LRRC4C: variants seen among roughly 807,000 people sequenced by gnomAD.
LRRC4C encodes the protein leucine-rich repeat-containing protein 4C.
Under a neutral mutation model 33.6 loss-of-function variants are expected in LRRC4C, and 5 were observed. That is an observed-to-expected ratio of 0.15 (90% CI 0.08 to 0.31). LRRC4C has a LOEUF of 0.31. Among genes scored for constraint, LRRC4C ranks in the 10% least tolerant of loss-of-function variants. The pLI, the probability that LRRC4C is intolerant of heterozygous loss-of-function variation, is 1.00. For missense variants in LRRC4C, 560 were observed against 796.7 expected, an observed-to-expected ratio of 0.70 and a Z score of 3.58; for synonymous variants, 329 against 302.0, an observed-to-expected ratio of 1.09 and a Z score of -0.93.
chr11:40,355,462 C>T (rs571948030), intron 3 of LRRC4C, among the ~76,000 whole-genome samples: 1 of 152,276 alleles, frequency 6.6e-6, no homozygotes, highest in African/African-American at 2.4e-5. Context: ...AGTGCTTTAA[C>T]CTATGGTGGT....
intron 3 of LRRC4C, among the ~76,000 whole-genome samples, chr11:40,563,145 A>T (rs1370520922): frequency 6.6e-6 from 1 of 152,142 alleles, no homozygotes; most frequent in Non-Finnish European, 1.5e-5. Flanking sequence ...GAAAGTATGT[A>T]ATGAGATAAG....
At chr11:41,161,111 T>A (rs1354216078) in intron 1 of LRRC4C, among the ~76,000 whole-genome samples, 2 of 152,130 alleles carry the variant, frequency 1.3e-5, no homozygotes, top group African/African-American at 4.8e-5. Flanking sequence ...GAAAAACAAA[T>A]GCCCATGATA....
intron 1 of LRRC4C, among the ~76,000 whole-genome samples, chr11:41,197,359 C>T (rs994597729): frequency 1.3e-5 from 2 of 151,958 alleles, no homozygotes; most frequent in East Asian, 1.9e-4. Context: ...GGAAGACAGG[C>T]TTATCATTTT....
chr11:41,167,676 A>C (rs1278989166), intron 1 of LRRC4C, among the ~76,000 whole-genome samples: 3 of 152,210 alleles, frequency 2.0e-5, no homozygotes, highest in African/African-American at 7.2e-5. Flanking sequence ...GCCCAAATAC[A>C]GAAAAGTGTC....
At chr11:40,375,835 T>A (rs1948638640) in intron 3 of LRRC4C, among the ~76,000 whole-genome samples, 1 of 152,112 alleles carries the variant, frequency 6.6e-6, no homozygotes, top group Non-Finnish European at 1.5e-5. Context: ...TCTCTACAAC[T>A]AGGAAACCTG....
intron 1 of LRRC4C, among the ~76,000 whole-genome samples, chr11:41,350,458 C>A (rs1435378169): frequency 7.5e-6 from 1 of 133,386 alleles, no homozygotes; most frequent in African/African-American, 2.8e-5. Flanking sequence ...TGCAGTGAGT[C>A]AAGATTGCGC....
At chr11:40,182,006 C>G (rs1861045729) in intron 5 of LRRC4C, among the ~76,000 whole-genome samples, 1 of 152,150 alleles carries the variant, frequency 6.6e-6, no homozygotes, top group South Asian at 2.1e-4. Context: ...AATTTCATTC[C>G]TTGATGCTCT....
chr11:41,449,527 G>T (rs532489748), intron 1 of LRRC4C, among the ~76,000 whole-genome samples: 1 of 152,192 alleles, frequency 6.6e-6, no homozygotes, highest in Non-Finnish European at 1.5e-5. Flanking sequence ...ACTGTGAGGG[G>T]TGAGTAAAAT....
intron 1 of LRRC4C, among the ~76,000 whole-genome samples, chr11:41,026,044 T>C (rs1033481984): frequency 6.6e-6 from 1 of 151,790 alleles, no homozygotes; most frequent in African/African-American, 2.4e-5. Context: ...GGGCTACTAA[T>C]ACAACATTCA....
intron 2 of LRRC4C, among the ~76,000 whole-genome samples, chr11:40,821,304 T>C (rs1951917358): frequency 6.6e-6 from 1 of 151,626 alleles, no homozygotes; most frequent in Non-Finnish European, 1.5e-5. Context: ...GCTCCTAAAA[T>C]TTATATGAAA....
At chr11:41,135,861 C>A (rs559943044) in intron 1 of LRRC4C, among the ~76,000 whole-genome samples, 7 of 152,190 alleles carry the variant, frequency 4.6e-5, no homozygotes, top group Admixed American at 2.0e-4. Context: ...ATTAAAAAAT[C>A]AAATAGCACT....
chr11:41,307,808 A>G (rs769728840), intron 1 of LRRC4C, among the ~76,000 whole-genome samples: 1 of 152,130 alleles, frequency 6.6e-6, no homozygotes, highest in East Asian at 1.9e-4. Flanking sequence ...TTAAAACACA[A>G]TTTCATTTTA....
At chr11:41,345,734 C>T (rs192440388) in intron 1 of LRRC4C, among the ~76,000 whole-genome samples, 1 of 152,198 alleles carries the variant, frequency 6.6e-6, no homozygotes, top group East Asian at 1.9e-4. Flanking sequence ...ACAGATTTCT[C>T]TCACCTCCTT....
At chr11:41,118,485 TA>T (rs1942254912) in intron 1 of LRRC4C, among the ~76,000 whole-genome samples, 1 of 152,170 alleles carries the variant, frequency 6.6e-6, no homozygotes, top group African/African-American at 2.4e-5. Context: ...AGAACAAAAT[TA>T]TCTTTTACTT....
At position 41,079,124 on chromosome 11, in the gene LRRC4C, T is replaced by G. The variant is rs572688328; in HGVS notation, c.-495-145401A>C. Among the ~76,000 whole-genome samples the G allele has an allele frequency of 3.3e-5, 5 of 152,314 alleles. No individual in the cohort carries two copies. The East Asian group carries it at 7.7e-4, about 24-fold the overall frequency. On this transcript the variant is annotated intron_variant, in intron 1 of 6. Transcript: ENST00000528697. ...TACGATTGTCTAAAAGGCCCATATC[T>G]TTGGCCATAGGTGATCTCTCAATTC...
intron 2 of LRRC4C, among the ~76,000 whole-genome samples, chr11:40,691,959 T>G (rs1473644796): frequency 6.6e-6 from 1 of 152,060 alleles, no homozygotes; most frequent in African/African-American, 2.4e-5. Context: ...GGGCTTTTCA[T>G]GAAGATAAGA....
chr11:41,245,552 G>T (rs1208235828), intron 1 of LRRC4C, among the ~76,000 whole-genome samples: 1 of 152,210 alleles, frequency 6.6e-6, no homozygotes, highest in Non-Finnish European at 1.5e-5. Context: ...TGAAAGCTTG[G>T]AGATGACAGG....
At chr11:40,155,229 T>C (rs967083887) in intron 5 of LRRC4C, among the ~76,000 whole-genome samples, 1 of 152,238 alleles carries the variant, frequency 6.6e-6, no homozygotes, top group South Asian at 2.1e-4. Context: ...GGAAAGTTTA[T>C]GGCCCTAAAT....
At chr11:41,165,050 T>C (rs1389772831) in intron 1 of LRRC4C, among the ~76,000 whole-genome samples, 1 of 152,192 alleles carries the variant, frequency 6.6e-6, no homozygotes, top group Non-Finnish European at 1.5e-5. Flanking sequence ...AATCATGTGC[T>C]TAGTGCAACG....
Sources: allele counts gnomAD v4.1 joint callset (sites outside exome capture counted in the v4.1 genomes callset), GRCh38; gene constraint gnomAD v4.1.1; transcripts MANE v1.5; gene names NCBI Gene and HGNC (gene_info 2026-07-23, HGNC 2026-07-21).